The following TEX10 variants were observed in gnomAD, a reference collection of about 807,000 sequenced individuals.
TEX10 encodes testis-expressed protein 10.
In TEX10, 24 loss-of-function variants were observed where a neutral mutation model predicts 104.4. The ratio of observed to expected loss-of-function variants is 0.23; its 90% confidence interval spans 0.17 to 0.32. The LOEUF (loss-of-function observed/expected upper bound fraction) is 0.32. Among genes scored for constraint, TEX10 ranks in the 10% least tolerant of loss-of-function variants. The pLI is 1.00. For missense variants in TEX10, 921 were observed against 1,083.9 expected (o/e 0.85, Z 2.11); for synonymous variants, 396 against 393.4 (o/e 1.01, Z -0.08).
chr9:100,341,527 C>T (rs141706279), intron 4 of TEX10, among the ~76,000 whole-genome samples: 1 of 105,700 alleles, frequency 9.5e-6, no homozygotes, highest in African/African-American at 3.9e-5. Context: ...TCCTTGACTC[C>T]TCTTTCCTTC....
At chr9:100,343,277 G>C (rs1835217722) in intron 4 of TEX10, among the ~76,000 whole-genome samples, 1 of 149,320 alleles carries the variant, frequency 6.7e-6, no homozygotes, top group East Asian at 2.0e-4. Context: ...GTAGGCAAGT[G>C]CTTATTGTAT....
At chr9:100,349,937 G>C (rs1835401237) in intron 1 of TEX10, among the ~76,000 whole-genome samples, 1 of 152,178 alleles carries the variant, frequency 6.6e-6, no homozygotes, top group African/African-American at 2.4e-5. Flanking sequence ...GGAAAACAAG[G>C]TAAAGATCAG....
intron 7 of TEX10, 64 bp from the exon 8 acceptor site, chr9:100,328,026 A>C (rs965170359): frequency 1.5e-6 from 2 of 1,345,528 alleles, no homozygotes; most frequent in Non-Finnish European, 1.9e-6. Context: ...ATTTAAACAA[A>C]AAAAAAATTT....
chr9:100,305,701 C>T (rs1359972057), intron 13 of TEX10: 2 of 152,074 alleles, frequency 1.3e-5, no homozygotes, highest in Non-Finnish European at 1.5e-5. Flanking sequence ...TAAAGATATC[C>T]AACAGTCATA....
At chr9:100,329,102 G>A in intron 7 of TEX10, 38 bp downstream of exon 7, 1 of 1,554,206 alleles carries the variant, frequency 6.4e-7, no homozygotes, top group Non-Finnish European at 8.6e-7. Flanking sequence ...GAAAAACTCA[G>A]CAAGAGAAAA....
intron 11 of TEX10, 67 bp from the exon 12 acceptor site, chr9:100,310,446 T>C (rs1834247320): frequency 7.7e-6 from 11 of 1,425,788 alleles, no homozygotes; most frequent in South Asian, 6.0e-5. Flanking sequence ...GTTCAACAGA[T>C]TCTTTTTTTT....
intron 4 of TEX10, among the ~76,000 whole-genome samples, chr9:100,342,974 C>T (rs1331934921): frequency 1.3e-5 from 2 of 151,512 alleles, no homozygotes; most frequent in African/African-American, 4.8e-5. Context: ...GGTGAAACTC[C>T]GTCTCTACTA....
chr9:100,343,789 C>A (rs958579578), intron 4 of TEX10, among the ~76,000 whole-genome samples: 16 of 152,260 alleles, frequency 1.1e-4, no homozygotes, highest in Non-Finnish European at 2.4e-4. Flanking sequence ...AAAAGAGTTA[C>A]AATTCAGCTT....
intron 11 of TEX10, among the ~76,000 whole-genome samples, chr9:100,316,292 G>T (rs1368229163): frequency 6.6e-6 from 1 of 151,990 alleles, no homozygotes; most frequent in Non-Finnish European, 1.5e-5. Context: ...CATTTCAAAA[G>T]ACACAAAAAA....
chr9:100,332,060 G>A (rs1834875114), intron 5 of TEX10, among the ~76,000 whole-genome samples: 1 of 152,182 alleles, frequency 6.6e-6, no homozygotes, highest in South Asian at 2.1e-4. Context: ...TGAGCCTAAA[G>A]TATCATAATC....
chr9:100,311,481 G>T (rs921787162), intron 11 of TEX10, among the ~76,000 whole-genome samples: 3 of 152,112 alleles, frequency 2.0e-5, no homozygotes, highest in African/African-American at 7.2e-5. Flanking sequence ...TTAAGTGAGG[G>T]CATACTGTAT....
rs35109045 is a variant in TEX10, at chr9:100,303,438, ACC to A, written c.2676+192_2676+193del. The stretch of plus-strand genomic sequence containing the variant: ...TTACTAATTCTGGAATCACAGACAC[ACC>A]CCCCCCCCCATTAAGTCACAGTCAG... On this transcript the variant is annotated intron_variant, in intron 14 of 14. Transcript: ENST00000374902. 4.6e-3 allele frequency among the ~76,000 whole-genome samples: 622 copies of A among 134,006 alleles called. 5 individuals are homozygous for A. The highest frequency in any genetic ancestry group is 0.016 in the African/African-American group (596 of 38,400). The allele number at this position is 134,006 out of a possible 152,430, so 87.9% of individuals were successfully genotyped here. A position where few individuals can be genotyped will look rare whatever the true frequency, so the allele number is the denominator to read the frequency against.
At chr9:100,311,860 T>A (rs1053988135) in intron 11 of TEX10, among the ~76,000 whole-genome samples, 1 of 152,004 alleles carries the variant, frequency 6.6e-6, no homozygotes, top group African/African-American at 2.4e-5. Flanking sequence ...AAAACAAGAA[T>A]GGTAGAAGGA....
chr9:100,352,461 G>T lies in TEX10; in HGVS notation c.-10+311C>A. The T allele has an allele frequency of 1.9e-6, 3 of 1,551,712 alleles. No homozygotes were observed. The South Asian group carries it at 3.6e-5, about 18-fold the overall frequency. The stretch of plus-strand genomic sequence containing the variant: ...CATCGTTCCTCCTACTCCAAGGGAC[G>T]CCGGCCAGGACCAGAGTCGGGGAAG... On this transcript the variant is annotated intron_variant, in intron 1 of 14. Coordinates refer to ENST00000374902, the MANE Select transcript of TEX10 (RefSeq NM_017746.4).
intron 1 of TEX10, among the ~76,000 whole-genome samples, chr9:100,349,712 A>T (rs923519156): frequency 2.0e-5 from 3 of 152,042 alleles, no homozygotes; most frequent in Admixed American, 6.6e-5. Flanking sequence ...CAGACTTCCT[A>T]GAGATGTAAC....
At chr9:100,303,927 C>A in intron 13 of TEX10, 85 bp from the exon 14 acceptor site, 2 of 1,308,940 alleles carry the variant, frequency 1.5e-6, no homozygotes, top group South Asian at 1.2e-5. Context: ...AGTGAAATGT[C>A]CTTTTAAGGA....
chr9:100,339,362 TTA>T (rs1156702761), intron 5 of TEX10, among the ~76,000 whole-genome samples: 2 of 63,430 alleles, frequency 3.2e-5, no homozygotes, highest in African/African-American at 1.2e-4. Context: ...TTTTATATAT[TTA>T]TATATATTTA....
chr9:100,317,095 G>A (rs1428672238), intron 11 of TEX10, among the ~76,000 whole-genome samples: 1 of 151,882 alleles, frequency 6.6e-6, no homozygotes, highest in Non-Finnish European at 1.5e-5. Context: ...AAATGAAACG[G>A]CTGTCAAAAT....
chr9:100,315,379 C>T (rs926799442), intron 11 of TEX10, among the ~76,000 whole-genome samples: 4 of 152,000 alleles, frequency 2.6e-5, no homozygotes, highest in East Asian at 1.9e-4. Context: ...TATTGTATTG[C>T]TATGTATTTC....
Sources: allele counts gnomAD v4.1 joint callset (sites outside exome capture counted in the v4.1 genomes callset), GRCh38; gene constraint gnomAD v4.1.1; transcripts MANE v1.5; gene names NCBI Gene and HGNC (gene_info 2026-07-23, HGNC 2026-07-21).